Variants in STPG2 observed in about 807,000 individuals in gnomAD.
STPG2 encodes the protein sperm-tail PG-rich repeat-containing protein 2.
Under a neutral mutation model 54.2 loss-of-function variants are expected in STPG2, and 56 were observed. The observed-to-expected ratio is 1.03, with a 90% CI of 0.83 to 1.29. The LOEUF (loss-of-function observed/expected upper bound fraction) is 1.29, where lower values mean the gene tolerates loss of function less well. Ranked by LOEUF, STPG2 falls within the 50% of genes most tolerant of loss-of-function variation. STPG2 has a pLI of 0.00. For synonymous variants in STPG2, 200 were observed against 181.8 expected (o/e 1.10, Z -0.81); for missense variants, 596 against 544.9 (o/e 1.09, Z -0.93).
intron 9 of STPG2, among the ~76,000 whole-genome samples, chr4:97,737,207 C>G (rs1370912775): frequency 6.6e-6 from 1 of 152,200 alleles, no homozygotes; most frequent in African/African-American, 2.4e-5. Flanking sequence ...AAAACCCCAT[C>G]TGTATGTCAC....
rs114388625 is a variant in STPG2 at position 97,502,876 on chromosome 4, C to T, written c.462+209823G>A. ...TTAATCACTGTTTTCTTGCCCCTTA[C>T]GCTGTGAATAGCAATCTCTCTCTCT... On this transcript the variant is annotated intron_variant, in intron 4 of 4. Coordinates refer to the STPG2 transcript ENST00000522676. Among the ~76,000 whole-genome samples, 433 of 152,028 alleles carry T rather than the reference C, an allele frequency of 2.8e-3. 4 individuals are homozygous for T. The highest frequency in any genetic ancestry group is 9.3e-3 in the African/African-American group (387 of 41,526).
At chr4:97,908,956 G>A (rs1387926769) in intron 8 of STPG2, among the ~76,000 whole-genome samples, 1 of 150,686 alleles carries the variant, frequency 6.6e-6, no homozygotes. Context: ...CATGGCACAT[G>A]TATACATATG....
intron 10 of STPG2, among the ~76,000 whole-genome samples, chr4:97,602,552 T>A (rs1170114317): frequency 6.6e-6 from 1 of 151,830 alleles, no homozygotes; most frequent in East Asian, 1.9e-4. Context: ...ATGTTTACTC[T>A]ATGTTTTTGG....
At chr4:97,491,860 C>T (rs1292604758) in intron 4 of STPG2, among the ~76,000 whole-genome samples, 4 of 151,442 alleles carry the variant, frequency 2.6e-5, no homozygotes, top group African/African-American at 9.7e-5. Flanking sequence ...TTGCAAAGAA[C>T]TCTTGAGTGG....
At chr4:97,990,669 C>T (rs1734972976) in intron 5 of STPG2, among the ~76,000 whole-genome samples, 2 of 152,096 alleles carry the variant, frequency 1.3e-5, no homozygotes, top group African/African-American at 4.8e-5. Context: ...GTAATCACAT[C>T]TATTCTAAGG....
chr4:97,784,757 G>C (rs1346220811), intron 9 of STPG2, among the ~76,000 whole-genome samples: 4 of 151,844 alleles, frequency 2.6e-5, no homozygotes, highest in Admixed American at 1.3e-4. Flanking sequence ...ATTTATATAA[G>C]TTTGGTCTTA....
intron 8 of STPG2, among the ~76,000 whole-genome samples, chr4:97,867,367 T>C (rs1279831168): frequency 6.6e-6 from 1 of 151,914 alleles, no homozygotes; most frequent in Non-Finnish European, 1.5e-5. Flanking sequence ...ATTGGAAAAA[T>C]GTCAGCCATG....
chr4:97,993,039 G>C (rs1735071977), intron 5 of STPG2, among the ~76,000 whole-genome samples: 1 of 152,032 alleles, frequency 6.6e-6, no homozygotes. Flanking sequence ...GCAATAGTTT[G>C]ACAACTTCCT....
Position 97,758,794 on chromosome 4 carries a change from A to T in STPG2, c.1205-45980T>A, listed in dbSNP as rs192333456. 4.6e-5 allele frequency among the ~76,000 whole-genome samples: 7 copies of T among 152,228 alleles called. No individual in the cohort carries two copies. The East Asian group carries it at 7.7e-4, about 17-fold the overall frequency. Reference sequence around the variant, plus strand: ...ATCCCAGAACTTAAAGTAAAATTTTAAAAAAATGACAGACATTTGGTTTTA... The same window carrying T: ...ATCCCAGAACTTAAAGTAAAATTTTTAAAAAATGACAGACATTTGGTTTTA... On this transcript the variant is annotated intron_variant, in intron 9 of 10. Transcript: ENST00000295268.
intron 4 of STPG2, among the ~76,000 whole-genome samples, chr4:97,456,329 A>G (rs1472079122): frequency 2.6e-5 from 4 of 151,122 alleles, no homozygotes; most frequent in African/African-American, 9.7e-5. Context: ...CAGGAAGGGG[A>G]GAGAGAGAGA....
intron 4 of STPG2, among the ~76,000 whole-genome samples, chr4:97,526,375 C>T (rs1731280660): frequency 6.6e-6 from 1 of 151,976 alleles, no homozygotes; most frequent in Non-Finnish European, 1.5e-5. Flanking sequence ...AGCATAAAAT[C>T]TACCACAGGT....
At chr4:97,754,512 C>T (rs1445782520) in intron 9 of STPG2, among the ~76,000 whole-genome samples, 1 of 152,014 alleles carries the variant, frequency 6.6e-6, no homozygotes, top group African/African-American at 2.4e-5. Flanking sequence ...GGTATTTGAA[C>T]TAAATTTGTT....
intron 8 of STPG2, among the ~76,000 whole-genome samples, chr4:97,890,983 A>G (rs1299750515): frequency 6.6e-6 from 1 of 152,010 alleles, no homozygotes; most frequent in East Asian, 1.9e-4. Context: ...AAAATTAAGA[A>G]TTAGTATTAT....
At chr4:97,675,349 A>G (rs1381722375) in intron 10 of STPG2, among the ~76,000 whole-genome samples, 5 of 152,116 alleles carry the variant, frequency 3.3e-5, no homozygotes, top group African/African-American at 9.7e-5. Context: ...AGTTTCTATG[A>G]TTATATGAAT....
At chr4:97,942,608 T>G (rs962842484) in intron 8 of STPG2, among the ~76,000 whole-genome samples, 1 of 152,122 alleles carries the variant, frequency 6.6e-6, no homozygotes, top group Non-Finnish European at 1.5e-5. Flanking sequence ...CACTCCTGAA[T>G]AGCTTTCACC....
chr4:97,530,926 G>C (rs374258427), intron 4 of STPG2, among the ~76,000 whole-genome samples: 7 of 152,152 alleles, frequency 4.6e-5, no homozygotes, highest in Admixed American at 1.3e-4. Flanking sequence ...ATGCATCTGG[G>C]CTAGAAGTAG....
intron 10 of STPG2, among the ~76,000 whole-genome samples, chr4:97,666,051 G>A (rs1722512991): frequency 6.6e-6 from 1 of 152,154 alleles, no homozygotes; most frequent in Admixed American, 6.5e-5. Context: ...CAATGGCATG[G>A]GTGGCTGCAG....
chr4:97,906,688 C>T (rs1731438470), intron 8 of STPG2, among the ~76,000 whole-genome samples: 4 of 151,822 alleles, frequency 2.6e-5, no homozygotes, highest in South Asian at 4.2e-4. Flanking sequence ...GGGCTTCATC[C>T]CTGGGATGCA....
chr4:97,693,113 G>A (rs1348083953), intron 10 of STPG2, among the ~76,000 whole-genome samples: 1 of 146,840 alleles, frequency 6.8e-6, no homozygotes, highest in Admixed American at 6.8e-5. Context: ...AATCTCACAT[G>A]ACCAATAAAA....
Sources: gnomAD v4.1 joint callset for allele counts (sites outside exome capture counted in the v4.1 genomes callset) on GRCh38, gnomAD v4.1.1 for gene constraint, MANE v1.5 for transcripts, NCBI Gene and HGNC (gene_info 2026-07-23, HGNC 2026-07-21) for gene names.